Variants in NDUFA8 observed in about 807,000 individuals in gnomAD.
NDUFA8 encodes NADH:ubiquinone oxidoreductase subunit A8, also known as NADH dehydrogenase [ubiquinone] 1 alpha subcomplex subunit 8.
In NDUFA8, 16 loss-of-function variants were observed where a neutral mutation model predicts 20.9. The ratio of observed to expected loss-of-function variants is 0.77; its 90% CI spans 0.52 to 1.16. The LOEUF (loss-of-function observed/expected upper bound fraction) is 1.16, where lower values mean the gene tolerates loss of function less well. Among genes scored for constraint, NDUFA8 ranks in the 50% most tolerant of loss-of-function variants. The pLI is 0.00. For missense variants in NDUFA8, 202 were observed against 216.4 expected (o/e 0.93, Z 0.42); for synonymous variants, 70 against 76.1 (o/e 0.92, Z 0.41).
At chr9:122,151,511 C>T (rs1828996725) in intron 2 of NDUFA8, among the ~76,000 whole-genome samples, 1 of 152,134 alleles carries the variant, frequency 6.6e-6, no homozygotes, top group African/African-American at 2.4e-5. Context: ...ACTCGAGTGG[C>T]TGGTGGCCAT....
the NDUFA8 span, among the ~76,000 whole-genome samples, chr9:122,135,562 C>T: frequency 2.6e-5 from 4 of 152,138 alleles, no homozygotes; most frequent in Non-Finnish European, 2.9e-5. Flanking sequence ...GCAAAGAGCC[C>T]GGGTTCTGCA....
rs1458943419 is a variant in NDUFA8 at position 122,159,747 on chromosome 9, T to C, written c.-70A>G. The stretch of plus-strand genomic sequence containing the variant: ...GCCCCCGTCTCCTTGAACTCCCCTT[T>C]CGACCGCCGAGTGCCACACGGCGCC... On this transcript the variant is annotated 5_prime_UTR_variant, in exon 1 of 4. Transcript: ENST00000373768. 4 of 1,608,646 alleles carry C rather than the reference T, an allele frequency of 2.5e-6. No homozygotes were observed. The highest frequency in any genetic ancestry group is 3.3e-4 in the Middle Eastern group (2 of 6,052).
At chr9:122,159,444 G>C (rs962975618) in intron 1 of NDUFA8, among the ~76,000 whole-genome samples, 183 bp downstream of exon 1, 72 of 152,118 alleles carry the variant, frequency 4.7e-4, no homozygotes, top group Non-Finnish European at 1.2e-4. Flanking sequence ...ACAGGGTGGG[G>C]TAGAGAGGGG....
the NDUFA8 span, among the ~76,000 whole-genome samples, chr9:122,135,997 C>T: frequency 6.6e-6 from 1 of 152,206 alleles, no homozygotes; most frequent in Non-Finnish European, 1.5e-5. Flanking sequence ...AACAAATAAT[C>T]GCCATGTAAT....
At chr9:122,153,718 A>G (rs1294050203) in intron 1 of NDUFA8, among the ~76,000 whole-genome samples, 2 of 152,222 alleles carry the variant, frequency 1.3e-5, no homozygotes, top group African/African-American at 2.4e-5. Flanking sequence ...ATCTGGGAGA[A>G]CCATCCTCCT....
intron 1 of NDUFA8, among the ~76,000 whole-genome samples, chr9:122,152,640 C>T (rs181308086): frequency 6.0e-5 from 9 of 150,588 alleles, no homozygotes; most frequent in African/African-American, 2.0e-4. Flanking sequence ...ACTGCAACTT[C>T]GGCCTCCGAG....
At chr9:122,157,746 G>A (rs1829096128) in intron 1 of NDUFA8, among the ~76,000 whole-genome samples, 1 of 152,222 alleles carries the variant, frequency 6.6e-6, no homozygotes, top group Non-Finnish European at 1.5e-5. Context: ...CAGAGTAAAT[G>A]TCACTTTAAT....
At chr9:122,138,869 G>GGT in the NDUFA8 span, among the ~76,000 whole-genome samples, 1 of 142,204 alleles carries the variant, frequency 7.0e-6, no homozygotes, top group East Asian at 2.2e-4. Context: ...AAGAGGTGGG[G>GGT]GGGGGGCCAT....
At chr9:122,147,612 A>C (rs2118700780) in intron 3 of NDUFA8, among the ~76,000 whole-genome samples, 1 of 142,518 alleles carries the variant, frequency 7.0e-6, no homozygotes, top group South Asian at 2.2e-4. Context: ...AGAAGGCCTA[A>C]AGAAATTTTT....
At chr9:122,154,258 G>A (rs1014308587) in intron 1 of NDUFA8, among the ~76,000 whole-genome samples, 1 of 152,228 alleles carries the variant, frequency 6.6e-6, no homozygotes, top group African/African-American at 2.4e-5. Context: ...AGTAGCTGTT[G>A]AGCACCCACT....
chr9:122,154,750 A>G (rs1829052833), intron 1 of NDUFA8, among the ~76,000 whole-genome samples: 1 of 152,220 alleles, frequency 6.6e-6, no homozygotes, highest in Admixed American at 6.5e-5. Context: ...CCCTTTTTCT[A>G]AAATTAAAAG....
intron 3 of NDUFA8, among the ~76,000 whole-genome samples, chr9:122,147,720 G>A (rs911526520): frequency 2.2e-5 from 3 of 139,500 alleles, no homozygotes; most frequent in Admixed American, 8.0e-5. Context: ...TCCACCTCCC[G>A]GGTTCACACC....
chr9:122,135,299 C>G, the NDUFA8 span, among the ~76,000 whole-genome samples: 1 of 152,242 alleles, frequency 6.6e-6, no homozygotes, highest in Non-Finnish European at 1.5e-5. Flanking sequence ...CCCAGAAGGG[C>G]AGCACTGTTG....
At position 122,159,558 on chromosome 9, in the gene NDUFA8, G is replaced by A. The variant is rs112228080; in HGVS notation, c.51+69C>T. ...GGTCCCAGGATCCGCGGAGCCCAAG[G>A]GGGGCTAGGCCCAGGCCCGAGAAGC... On this transcript the variant is annotated intron_variant, in intron 1 of 3. Coordinates refer to ENST00000373768, the MANE Select transcript of NDUFA8 (RefSeq NM_014222.3). 6.3e-6 allele frequency: 10 copies of A among 1,589,178 alleles called. No homozygotes were observed. The Admixed American group carries it at 8.3e-5, about 13-fold the overall frequency.
At position 122,151,413 on chromosome 9, in the gene NDUFA8, A is replaced by G. The variant is rs148330624; in HGVS notation, c.215+832T>C. Among the ~76,000 whole-genome samples the G allele has an allele frequency of 2.7e-3, 405 of 152,366 alleles. 3 individuals are homozygous for G. The highest frequency in any genetic ancestry group is 9.3e-3 in the African/African-American group (387 of 41,586). The stretch of plus-strand genomic sequence containing the variant: ...TATACGAAGTCCGCCAGCCAGGACA[A>G]TTAGACTCAGTCCAGGAGCTTCTGC... On this transcript the variant is annotated intron_variant, in intron 2 of 3. Transcript: ENST00000373768.
intron 1 of NDUFA8, among the ~76,000 whole-genome samples, chr9:122,158,767 T>C (rs12339771): frequency 0.13 from 19,838 of 149,642 alleles, 4,504 homozygotes; most frequent in African/African-American, 0.47. Context: ...TATATATATA[T>C]ACACACCAAT....
Position 122,144,383 on chromosome 9 carries a change from G to A in NDUFA8, c.382-5C>T, listed in dbSNP as rs768855376. 3 of 1,614,012 alleles carry A rather than the reference G, an allele frequency of 1.9e-6. No individual in the cohort carries two copies. The South Asian group carries it at 3.3e-5, about 18-fold the overall frequency. On this transcript the variant is annotated splice_region_variant and splice_polypyrimidine_tract_variant and intron_variant, in intron 3 of 3. Coordinates refer to ENST00000373768, the MANE Select transcript of NDUFA8 (RefSeq NM_014222.3). ...ATCTGTTTTCACTTTGGTGACCTGG[G>A]AAGGGTGAAGAGGGCAAAAGCAAAG...
At chr9:122,147,686 G>A (rs1260549193) in intron 3 of NDUFA8, among the ~76,000 whole-genome samples, 2 of 145,670 alleles carry the variant, frequency 1.4e-5, no homozygotes, top group East Asian at 2.0e-4. Flanking sequence ...GGAGGTAGTG[G>A]CACAATCTCC....
At chr9:122,146,308 T>C (rs1032089715) in intron 3 of NDUFA8, among the ~76,000 whole-genome samples, 34 of 152,154 alleles carry the variant, frequency 2.2e-4, no homozygotes, top group African/African-American at 8.2e-4. Context: ...TTTTTTTTTA[T>C]CTCACAGAGT....
Sources: gnomAD v4.1 joint callset for allele counts (sites outside exome capture counted in the v4.1 genomes callset) on GRCh38, gnomAD v4.1.1 for gene constraint, MANE v1.5 for transcripts, NCBI Gene and HGNC (gene_info 2026-07-23, HGNC 2026-07-21) for gene names.